PLEKHA6: variants seen among roughly 807,000 people sequenced by gnomAD.
The protein encoded by PLEKHA6 is pleckstrin homology domain-containing family A member 6.
PLEKHA6 carries 60 observed loss-of-function variants against 116.7 expected under a neutral mutation model. The observed-to-expected ratio is 0.51, with a 90% CI of 0.42 to 0.64. PLEKHA6 has a LOEUF of 0.64. Among genes scored for constraint, PLEKHA6 ranks in the 30% least tolerant of loss-of-function variants. PLEKHA6 has a pLI of 0.00. For missense variants in PLEKHA6, 1,338 were observed against 1,422.7 expected, an observed-to-expected ratio of 0.94 and a Z score of 0.96; for synonymous variants, 489 against 556.1, an observed-to-expected ratio of 0.88 and a Z score of 1.70.
chr1:204,241,953 G>C (rs1291679586), intron 15 of PLEKHA6, 139 bp from the exon 16 acceptor site: 2 of 912,224 alleles, frequency 2.2e-6, no homozygotes, highest in Non-Finnish European at 3.5e-6. Flanking sequence ...TATGTGTGCC[G>C]CCTGGGAGGC....
At chr1:204,237,961 C>T (rs573763416) in intron 17 of PLEKHA6, among the ~76,000 whole-genome samples, 76 of 152,354 alleles carry the variant, frequency 5.0e-4, no homozygotes, top group African/African-American at 1.7e-3. Context: ...ACTTCTACCT[C>T]AGTAAAATTT....
chr1:204,315,034 G>C (rs1671801480), intron 1 of PLEKHA6, among the ~76,000 whole-genome samples: 1 of 152,204 alleles, frequency 6.6e-6, no homozygotes, highest in South Asian at 2.1e-4. Context: ...CACTCTGGCA[G>C]AAATGGGAGA....
rs1312034678 is a variant in PLEKHA6, at chr1:204,230,444, G to A, written c.2552C>T (p.Pro851Leu). The change falls in exon 18 of 23, where the codon CCC (proline) becomes CTC (leucine). Residue 851 changes from proline (P) to leucine (L), a missense_variant. This residue lies in a region of PLEKHA6 where 1,136 missense variants were observed against 1,163.6 expected (regional missense o/e 0.98). Coordinates refer to ENST00000272203, the MANE Select transcript of PLEKHA6 (RefSeq NM_014935.5). ...GTAGGCTGGCCGGGGACTGGGGTCG[G>A]GGGCCGGGCTGGCCGGGAGCTGCAG... ...RSLQLPASPA[P>L]DPSPRPAYKV... 9.5e-6 allele frequency: 15 copies of A among 1,585,954 alleles called. No homozygotes were observed. The highest frequency in any genetic ancestry group is 1.3e-5 in the Non-Finnish European group (15 of 1,166,646).
chr1:204,370,715 C>A (rs538145519), intron 2 of PLEKHA6, among the ~76,000 whole-genome samples: 10 of 152,128 alleles, frequency 6.6e-5, no homozygotes, highest in Non-Finnish European at 1.3e-4. Context: ...GAGAAACAGG[C>A]GCTCCCACTA....
At chr1:204,304,337 G>C (rs563956688) in intron 1 of PLEKHA6, among the ~76,000 whole-genome samples, 1 of 152,174 alleles carries the variant, frequency 6.6e-6, no homozygotes, top group African/African-American at 2.4e-5. Flanking sequence ...CTCTCACAAA[G>C]TAAGAATGGA....
rs1034292631 is a variant in PLEKHA6 at position 204,255,580 on chromosome 1, G to A, written c.1524+1773C>T. 7 of 700,826 alleles carry A rather than the reference G, an allele frequency of 1.0e-5. 1 individual carries two copies. Among genetic ancestry groups the A allele is most frequent in the South Asian group, 3.0e-5 (2 of 67,004 alleles). The allele number at this position is 700,826 out of a possible 1,614,324, so 43.4% of individuals were successfully genotyped here. On this transcript the variant is annotated intron_variant, in intron 9 of 22. Transcript: ENST00000272203. ...GAGGTGGGGAGGAGTGGAGAGATGC[G>A]ACAGGAAGGCAGTGGGATGATAAGG... is the stretch of plus-strand genomic sequence containing the variant.
intron 1 of PLEKHA6, among the ~76,000 whole-genome samples, chr1:204,356,567 AAAT>A (rs907582080): frequency 1.5e-5 from 2 of 137,298 alleles, no homozygotes; most frequent in Non-Finnish European, 3.0e-5. Flanking sequence ...GCCCTGTCTC[AAAT>A]AATAATAATA....
intron 15 of PLEKHA6, among the ~76,000 whole-genome samples, chr1:204,244,528 C>T (rs76762905): frequency 0.023 from 3,426 of 152,260 alleles, 57 homozygotes; most frequent in Non-Finnish European, 0.034. Flanking sequence ...GGAAACTGCT[C>T]CCCACACTGA....
At chr1:204,341,515 AG>A (rs1324398632) in intron 1 of PLEKHA6, among the ~76,000 whole-genome samples, 1 of 152,238 alleles carries the variant, frequency 6.6e-6, no homozygotes, top group East Asian at 1.9e-4. Context: ...ATCTGATTGC[AG>A]GGATGGAGCT....
At chr1:204,303,903 C>T (rs899546629) in intron 1 of PLEKHA6, among the ~76,000 whole-genome samples, 14 of 152,086 alleles carry the variant, frequency 9.2e-5, no homozygotes, top group African/African-American at 2.7e-4. Flanking sequence ...TTTGTAGAGA[C>T]GGGATTTCAC....
chr1:204,303,433 T>C (rs1410732650), intron 1 of PLEKHA6, among the ~76,000 whole-genome samples: 2 of 152,344 alleles, frequency 1.3e-5, no homozygotes, highest in East Asian at 3.9e-4. Flanking sequence ...TATCTGCTTT[T>C]AGGAAAAGTG....
chr1:204,287,313 C>T (rs1206902983), intron 1 of PLEKHA6, among the ~76,000 whole-genome samples: 1 of 151,326 alleles, frequency 6.6e-6, no homozygotes, highest in African/African-American at 2.4e-5. Context: ...AAAGCCAGTG[C>T]GTCCACCTCC....
chr1:204,301,209 G>T (rs1339813055), intron 1 of PLEKHA6: 2 of 982,554 alleles, frequency 2.0e-6, no homozygotes, highest in Non-Finnish European at 2.4e-6. Context: ...TCTAGCTCCA[G>T]AAGACAGGAG....
At chr1:204,227,146 C>T (rs989262923) in intron 21 of PLEKHA6, among the ~76,000 whole-genome samples, 6 of 152,214 alleles carry the variant, frequency 3.9e-5, no homozygotes, top group South Asian at 4.1e-4. Flanking sequence ...CTAACCTGCT[C>T]ATGGCCTGGT....
intron 1 of PLEKHA6, chr1:204,299,673 A>G (rs1409213707): frequency 1.0e-6 from 1 of 983,846 alleles, no homozygotes; most frequent in East Asian, 1.1e-4. Context: ...AGGGCCTCAC[A>G]GTTCTCTCAG....
chr1:204,249,091 T>C (rs1664184302), intron 11 of PLEKHA6, 93 bp downstream of exon 11: 1 of 1,473,830 alleles, frequency 6.8e-7, no homozygotes, highest in African/African-American at 1.4e-5. Flanking sequence ...CCTTGCTTTG[T>C]CATCTCAGTC....
chr1:204,237,660 A>G (rs1210519119), intron 17 of PLEKHA6, among the ~76,000 whole-genome samples: 1 of 152,154 alleles, frequency 6.6e-6, no homozygotes, highest in Non-Finnish European at 1.5e-5. Context: ...TCTTTTTTCC[A>G]TTCCTGTCCA....
intron 1 of PLEKHA6, among the ~76,000 whole-genome samples, chr1:204,345,245 T>C (rs749404358): frequency 4.6e-5 from 7 of 152,208 alleles, no homozygotes; most frequent in Non-Finnish European, 1.0e-4. Context: ...GGATGCTTTC[T>C]ATTTTGATAC....
At chr1:204,358,910 G>A (rs1353446651) in intron 1 of PLEKHA6, among the ~76,000 whole-genome samples, 6 of 65,186 alleles carry the variant, frequency 9.2e-5, no homozygotes, top group South Asian at 5.9e-4. Flanking sequence ...CCCCACCCCC[G>A]CCACTTTCCT....
Sources: allele counts gnomAD v4.1 joint callset (sites outside exome capture counted in the v4.1 genomes callset), GRCh38; gene constraint gnomAD v4.1.1; regional missense constraint gnomAD v4.1.1; transcripts MANE v1.5; gene names NCBI Gene and HGNC (gene_info 2026-07-23, HGNC 2026-07-21).